The following KCNIP2 variants were observed in gnomAD, a reference collection of about 807,000 sequenced individuals.
The protein encoded by KCNIP2 is potassium voltage-gated channel interacting protein 2.
A neutral mutation model predicts 39.0 loss-of-function variants in KCNIP2; 19 were observed. That is an observed-to-expected ratio of 0.49 (90% CI 0.34 to 0.71). The LOEUF is 0.71. KCNIP2 is among the 30% of genes least tolerant of loss of function. The probability of loss-of-function intolerance (pLI) is 0.01; values close to 1 mark genes in which losing one functional copy is unlikely to be tolerated. For synonymous variants in KCNIP2, 111 were observed against 131.2 expected (o/e 0.85, Z 1.05); for missense variants, 261 against 346.0 (o/e 0.75, Z 1.95).
Position 101,828,494 on chromosome 10 carries a change from CAGGAG to C in KCNIP2, c.419-40_419-36del. 6.2e-7 allele frequency: 1 copy of C among 1,610,984 alleles called. No individual in the cohort carries two copies. Among genetic ancestry groups the C allele is most frequent in the Non-Finnish European group, 8.5e-7 (1 of 1,177,626 alleles). On this transcript the variant is annotated intron_variant, in intron 5 of 9. Transcript: ENST00000356640. This position sits in a 1 kb window ranked among gnomAD's most constrained non-coding sequence, Gnocchi z 6.6. ...GAGTGTGGAGAAGTTGGCTTCCACA[CAGGAG>C]AGGACTTCCTCCCTCTAAGGAGCTC...
chr10:101,834,529 G>A (rs540396161), intron 1 of KCNIP2, among the ~76,000 whole-genome samples: 8 of 151,882 alleles, frequency 5.3e-5, no homozygotes, highest in African/African-American at 1.9e-4. Context: ...CCATCACCCC[G>A]CCTCTGCCCC....
chr10:101,828,832 T>G lies in KCNIP2; in HGVS notation c.349-136A>C. On this transcript the variant is annotated intron_variant, in intron 4 of 9. Transcript: ENST00000356640. The surrounding 1 kb of genome is among the most constrained non-coding windows in gnomAD (Gnocchi z 6.6). ...CAGAGGACTCACCACGTGGCTCATG[T>G]GATGGGAGGGAAGACTTCTTTCCCA... 1 of 1,575,856 alleles carries G rather than the reference T, an allele frequency of 6.3e-7. No individual in the cohort carries two copies. The highest frequency in any genetic ancestry group is 8.6e-7 in the Non-Finnish European group (1 of 1,160,460).
intron 2 of KCNIP2, 54 bp downstream of exon 2, chr10:101,831,018 G>A: frequency 6.9e-7 from 1 of 1,455,540 alleles, no homozygotes; most frequent in South Asian, 1.2e-5. Context: ...CTCATGCACA[G>A]ACACGCACGC....
intron 1 of KCNIP2, among the ~76,000 whole-genome samples, chr10:101,833,902 A>G (rs2066068633): frequency 6.6e-6 from 1 of 151,802 alleles, no homozygotes; most frequent in African/African-American, 2.4e-5. Flanking sequence ...CAGGATCCCT[A>G]GAACCTCCCT....
intron 1 of KCNIP2, chr10:101,834,416 C>A: frequency 7.5e-6 from 3 of 399,076 alleles, no homozygotes; most frequent in Non-Finnish European, 1.3e-5. Flanking sequence ...TCAGATACGC[C>A]GGTTCACCGC....
Position 101,828,592 on chromosome 10 carries a change from G to A in KCNIP2, c.418+35C>T, listed in dbSNP as rs758246769. On this transcript the variant is annotated intron_variant, in intron 5 of 9. Coordinates refer to ENST00000356640, the MANE Select transcript of KCNIP2 (RefSeq NM_173191.3). This position sits in a 1 kb window ranked among gnomAD's most constrained non-coding sequence, Gnocchi z 6.6. ...TCCCTCCCTCCCTCAGCCTAGAGAA[G>A]GACAACTGCTTCCCCTTGGGCCTTG... 3 of 1,608,504 alleles carry A rather than the reference G, an allele frequency of 1.9e-6. No individual in the cohort carries two copies. Among genetic ancestry groups the A allele is most frequent in the African/African-American group, 2.7e-5 (2 of 74,934 alleles).
Position 101,827,255 on chromosome 10 carries a change from T to C in KCNIP2, c.*98A>G. ...GATCCCTCCAGCCCCCAGGGAGGCG[T>C]AGGATGAGGATAGACCTGGGAAGAG... On this transcript the variant is annotated 3_prime_UTR_variant, in exon 10 of 10. Transcript: ENST00000356640. The C allele has an allele frequency of 3.5e-6, 5 of 1,412,652 alleles. No homozygotes were observed. Among genetic ancestry groups the C allele is most frequent in the Non-Finnish European group, 4.6e-6 (5 of 1,077,600 alleles). 87.5% of individuals were successfully genotyped at this position (1,412,652 alleles called of 1,614,324 possible). A position where few individuals can be genotyped will look rare whatever the true frequency, so the allele number is the denominator to read the frequency against.
Position 101,828,538 on chromosome 10 carries a change from T to G in KCNIP2, c.419-79A>C. On this transcript the variant is annotated intron_variant, in intron 5 of 9. Coordinates refer to ENST00000356640, the MANE Select transcript of KCNIP2 (RefSeq NM_173191.3). This position sits in a 1 kb window ranked among gnomAD's most constrained non-coding sequence, Gnocchi z 6.6. ...TCTAAGGAGCTCCCCATACCCCCCA[T>G]CACCTTGGCATTCCCAGCTCCTCCA... 1.9e-6 allele frequency: 3 copies of G among 1,596,858 alleles called. No individual in the cohort carries two copies. The highest frequency in any genetic ancestry group is 2.6e-6 in the Non-Finnish European group (3 of 1,165,500).
chr10:101,843,450 A>G lies in KCNIP2; in HGVS notation c.73+46T>C. 7.6e-7 allele frequency: 1 copy of G among 1,307,820 alleles called. No individual in the cohort carries two copies. The highest frequency in any genetic ancestry group is 2.8e-5 in the East Asian group (1 of 35,818). 81.0% of individuals were successfully genotyped at this position (1,307,820 alleles called of 1,614,324 possible). A position where few individuals can be genotyped will look rare whatever the true frequency, so the allele number is the denominator to read the frequency against. ...TCGGAGAGGCGGAAGGGTCTGGAGGAATGGAATCCACCCTCCCTCCCGCGA... is the reference window on the plus strand; with the variant it reads ...TCGGAGAGGCGGAAGGGTCTGGAGGGATGGAATCCACCCTCCCTCCCGCGA... On this transcript the variant is annotated intron_variant, in intron 1 of 9. Coordinates refer to ENST00000356640, the MANE Select transcript of KCNIP2 (RefSeq NM_173191.3). This position sits in a 1 kb window ranked among gnomAD's most constrained non-coding sequence, Gnocchi z 6.7.
intron 1 of KCNIP2, among the ~76,000 whole-genome samples, chr10:101,836,129 A>T (rs1192508708): frequency 1.3e-5 from 2 of 152,146 alleles, no homozygotes; most frequent in Non-Finnish European, 2.9e-5. Flanking sequence ...GCCCCAGTCG[A>T]GGTTGGCTGA....
At chr10:101,841,709 G>A (rs2066344181) in intron 1 of KCNIP2, among the ~76,000 whole-genome samples, 1 of 152,206 alleles carries the variant, frequency 6.6e-6, no homozygotes, top group Non-Finnish European at 1.5e-5. Context: ...ATTCCTGACT[G>A]AACTGGGGCA....
At chr10:101,831,321 G>A (rs1441345373) in intron 1 of KCNIP2, among the ~76,000 whole-genome samples, 154 bp from the exon 2 acceptor site, 1 of 152,208 alleles carries the variant, frequency 6.6e-6, no homozygotes, top group Non-Finnish European at 1.5e-5. Flanking sequence ...GGTTGGAATC[G>A]GGTTAGGGGA....
At chr10:101,830,681 CCACACACACACA>C (rs61337190) in intron 2 of KCNIP2, among the ~76,000 whole-genome samples, 7 of 145,194 alleles carry the variant, frequency 4.8e-5, no homozygotes, top group South Asian at 2.2e-4. Context: ...CTGGTCACGC[CCACACACACACA>C]CACACACACA....
rs1374146645 is a variant in KCNIP2 at position 101,826,504 on chromosome 10, A to T, written c.*849T>A. 6.6e-6 allele frequency: 1 copy of T among 152,376 alleles called. No individual in the cohort carries two copies. Among genetic ancestry groups the T allele is most frequent in the Non-Finnish European group, 1.5e-5 (1 of 68,108 alleles). 9.4% of individuals were successfully genotyped at this position (152,376 alleles called of 1,614,324 possible). On this transcript the variant is annotated 3_prime_UTR_variant, in exon 10 of 10. Coordinates refer to ENST00000356640, the MANE Select transcript of KCNIP2 (RefSeq NM_173191.3). The stretch of plus-strand genomic sequence containing the variant: ...TCATAGCCCTCAAAACAGGGACGAT[A>T]AGCAAGGAGGGTGGGATGAAATTTT...
At position 101,838,390 on chromosome 10, in the gene KCNIP2, G is replaced by A. The variant is rs544434635; in HGVS notation, c.73+5106C>T. Among the ~76,000 whole-genome samples the A allele has an allele frequency of 6.6e-6, 1 of 152,210 alleles. No individual in the cohort carries two copies. The highest frequency in any genetic ancestry group is 6.5e-5 in the Admixed American group (1 of 15,284). On this transcript the variant is annotated intron_variant, in intron 1 of 9. Coordinates refer to ENST00000356640, the MANE Select transcript of KCNIP2 (RefSeq NM_173191.3). This position sits in a 1 kb window ranked among gnomAD's most constrained non-coding sequence, Gnocchi z 4.0. ...GTGGGGGAACCCACTCTATGCAACTGTCCCACCTTCCCCAGTTTAGCTTTG... is the reference window on the plus strand; with the variant it reads ...GTGGGGGAACCCACTCTATGCAACTATCCCACCTTCCCCAGTTTAGCTTTG...
chr10:101,835,590 T>C (rs2066128470), intron 1 of KCNIP2, among the ~76,000 whole-genome samples: 1 of 151,886 alleles, frequency 6.6e-6, no homozygotes, highest in Admixed American at 6.6e-5. Flanking sequence ...ATCTGAACCT[T>C]CTAAGGGAGC....
chr10:101,832,308 G>GTGTGTA (rs1358743547), intron 1 of KCNIP2, among the ~76,000 whole-genome samples: 1 of 148,120 alleles, frequency 6.8e-6, no homozygotes, highest in African/African-American at 2.5e-5. Flanking sequence ...GTGTGTGTGT[G>GTGTGTA]TGTGTGTGTG....
Position 101,843,423 on chromosome 10 carries a change from G to C in KCNIP2, c.73+73C>G. The C allele has an allele frequency of 2.0e-6, 2 of 1,005,844 alleles. No individual in the cohort carries two copies. The highest frequency in any genetic ancestry group is 2.8e-6 in the Non-Finnish European group (2 of 723,808). 62.3% of individuals were successfully genotyped at this position (1,005,844 alleles called of 1,614,324 possible). A position where few individuals can be genotyped will look rare whatever the true frequency, so the allele number is the denominator to read the frequency against. ...AGAGTGTGGGTGCGGGCCAGGCCGG[G>C]GTCGGAGAGGCGGAAGGGTCTGGAG... On this transcript the variant is annotated intron_variant, in intron 1 of 9. Coordinates refer to ENST00000356640, the MANE Select transcript of KCNIP2 (RefSeq NM_173191.3). This position sits in a 1 kb window ranked among gnomAD's most constrained non-coding sequence, Gnocchi z 6.7.
chr10:101,843,012 C>T lies in KCNIP2; in HGVS notation c.73+484G>A, dbSNP rs1373165834. On this transcript the variant is annotated intron_variant, in intron 1 of 9. Transcript: ENST00000356640. The surrounding 1 kb of genome is among the most constrained non-coding windows in gnomAD (Gnocchi z 6.7). ...CATACAGAATTACACACTCACAACA[C>T]ATCGTTGCACATAGAGACACATGGT... Among the ~76,000 whole-genome samples, 2 of 152,214 alleles carry T rather than the reference C, an allele frequency of 1.3e-5. No homozygotes were observed. Among genetic ancestry groups the T allele is most frequent in the Admixed American group, 6.5e-5 (1 of 15,284 alleles).
Sources: gnomAD v4.1 joint callset for allele counts (sites outside exome capture counted in the v4.1 genomes callset) on GRCh38, gnomAD v4.1.1 for gene constraint, Gnocchi (gnomAD v3.1) non-coding constraint, MANE v1.5 for transcripts, NCBI Gene and HGNC (gene_info 2026-07-23, HGNC 2026-07-21) for gene names.